The following CRB1 variants were observed in gnomAD, a reference collection of about 807,000 sequenced individuals.
The protein encoded by CRB1 is crumbs cell polarity complex component 1, also known as protein crumbs homolog 1.
A neutral mutation model predicts 120.0 loss-of-function variants in CRB1; 83 were observed. The ratio of observed to expected loss-of-function variants is 0.69; its 90% confidence interval spans 0.58 to 0.83. The LOEUF (loss-of-function observed/expected upper bound fraction) is 0.83. Ranked by LOEUF, CRB1 falls within the 40% of genes least tolerant of loss-of-function variation. CRB1 has a pLI of 0.00. For synonymous variants in CRB1, 625 were observed against 612.5 expected, an observed-to-expected ratio of 1.02 and a Z score of -0.30; for missense variants, 1,699 against 1,687.6, an observed-to-expected ratio of 1.01 and a Z score of -0.12.
At chr1:197,229,087 C>G in the CRB1 span, among the ~76,000 whole-genome samples, 69 of 152,156 alleles carry the variant, frequency 4.5e-4, no homozygotes, top group South Asian at 8.3e-4. Flanking sequence ...AGAGGCAAAC[C>G]GTATCAAGGA....
chr1:197,279,549 T>C (rs946427243), intron 1 of CRB1, among the ~76,000 whole-genome samples: 5 of 151,258 alleles, frequency 3.3e-5, no homozygotes, highest in African/African-American at 1.2e-4. Flanking sequence ...TTTTTTTTTT[T>C]TTTAACAACC....
chr1:197,312,844 C>A (rs1166753690), intron 1 of CRB1, among the ~76,000 whole-genome samples: 1 of 151,942 alleles, frequency 6.6e-6, no homozygotes, highest in Non-Finnish European at 1.5e-5. Context: ...TAATATTATT[C>A]TTGTATTTTT....
At chr1:197,348,194 T>G (rs1316895470) in intron 4 of CRB1, among the ~76,000 whole-genome samples, 1 of 152,180 alleles carries the variant, frequency 6.6e-6, no homozygotes, top group Non-Finnish European at 1.5e-5. Flanking sequence ...TGTCTTAACA[T>G]TGTAGTATCA....
intron 1 of CRB1, among the ~76,000 whole-genome samples, chr1:197,309,692 T>G (rs1657400056): frequency 6.6e-6 from 1 of 151,754 alleles, no homozygotes; most frequent in African/African-American, 2.4e-5. Flanking sequence ...AGGCAGAGCT[T>G]GCAGTGAGCC....
chr1:197,237,502 T>C, the CRB1 span, among the ~76,000 whole-genome samples: 1 of 152,194 alleles, frequency 6.6e-6, no homozygotes, highest in Non-Finnish European at 1.5e-5. Flanking sequence ...TTACTGTAGG[T>C]ATTCGGTTTG....
At chr1:197,296,249 C>T (rs1027435249) in intron 1 of CRB1, among the ~76,000 whole-genome samples, 1 of 152,068 alleles carries the variant, frequency 6.6e-6, no homozygotes, top group Non-Finnish European at 1.5e-5. Context: ...TCTATCTCCA[C>T]TACTTACCAG....
chr1:197,321,625 G>T (rs1293960619), intron 1 of CRB1, among the ~76,000 whole-genome samples: 2 of 152,086 alleles, frequency 1.3e-5, no homozygotes, highest in Non-Finnish European at 2.9e-5. Flanking sequence ...ATACATACAG[G>T]CATACTGAAA....
chr1:197,272,136 A>C (rs900727828), intron 1 of CRB1, among the ~76,000 whole-genome samples: 2 of 152,168 alleles, frequency 1.3e-5, no homozygotes, highest in African/African-American at 4.8e-5. Context: ...TATGTCAGAG[A>C]AGGCTGATGT....
chr1:197,326,775 T>C (rs1658517742), intron 1 of CRB1, among the ~76,000 whole-genome samples: 1 of 152,072 alleles, frequency 6.6e-6, no homozygotes, highest in African/African-American at 2.4e-5. Flanking sequence ...CATTCCCAGG[T>C]AATTTACAGG....
intron 5 of CRB1, among the ~76,000 whole-genome samples, chr1:197,401,701 T>C (rs1351589734): frequency 2.0e-5 from 3 of 152,116 alleles, no homozygotes. Flanking sequence ...GCTATTTAAC[T>C]AATATTCTTC....
intron 5 of CRB1, among the ~76,000 whole-genome samples, chr1:197,409,971 G>A (rs971031214): frequency 5.9e-5 from 9 of 152,072 alleles, no homozygotes; most frequent in Non-Finnish European, 8.8e-5. Flanking sequence ...TTTTTTAGTA[G>A]AGACGGGGTT....
chr1:197,389,733 T>C (rs1348538970), intron 5 of CRB1, among the ~76,000 whole-genome samples: 2 of 152,086 alleles, frequency 1.3e-5, no homozygotes, highest in Non-Finnish European at 2.9e-5. Context: ...GATAGGGCTA[T>C]TGGTTTCAGT....
intron 5 of CRB1, among the ~76,000 whole-genome samples, chr1:197,407,775 C>T (rs1172730585): frequency 6.6e-6 from 1 of 152,014 alleles, no homozygotes; most frequent in Non-Finnish European, 1.5e-5. Flanking sequence ...TAAATTCTTC[C>T]CCCAGAAAAT....
chr1:197,429,669 T>C (rs1228665429), intron 8 of CRB1, 55 bp downstream of exon 8: 1 of 1,561,128 alleles, frequency 6.4e-7, no homozygotes, highest in East Asian at 2.2e-5. Context: ...ATTTGAGTTG[T>C]TCCAAGAGCA....
the CRB1 span, among the ~76,000 whole-genome samples, chr1:197,207,548 A>G: frequency 1.3e-5 from 2 of 152,024 alleles, no homozygotes; most frequent in Admixed American, 6.5e-5. Context: ...TAGGGCCCCA[A>G]TCTCCTCTAG....
At position 197,284,500 on chromosome 1, in the gene CRB1, A is replaced by T. The variant is rs4335403; in HGVS notation, c.70+16018A>T. ...TTCTTCAGGGCAGCTCCATTTCATT[A>T]GTTCCCAATTACTCGTTAAACAACC... On this transcript the variant is annotated intron_variant, in intron 1 of 11. Coordinates refer to ENST00000367400, the MANE Select transcript of CRB1 (RefSeq NM_201253.3). Among the ~76,000 whole-genome samples the T allele has an allele frequency of 5.7e-3, 863 of 152,036 alleles. 4 individuals are homozygous for T. The highest frequency in any genetic ancestry group is 9.9e-3 in the Admixed American group (151 of 15,254).
chr1:197,299,595 A>C (rs1022955712), intron 1 of CRB1, among the ~76,000 whole-genome samples: 2 of 152,184 alleles, frequency 1.3e-5, no homozygotes, highest in Non-Finnish European at 2.9e-5. Flanking sequence ...AAACTTGAAA[A>C]ATAAAAGTAT....
chr1:197,428,386 T>C (rs1412086211), intron 7 of CRB1, among the ~76,000 whole-genome samples: 1 of 152,244 alleles, frequency 6.6e-6, no homozygotes, highest in Non-Finnish European at 1.5e-5. Flanking sequence ...GCCCAACTAC[T>C]ATTGTTTTGA....
the CRB1 span, among the ~76,000 whole-genome samples, chr1:197,236,721 G>A: frequency 7.1e-3 from 1,079 of 152,164 alleles, 16 homozygotes; most frequent in African/African-American, 0.022. Context: ...AAGAATTTCT[G>A]TCATATATGG....
Sources: gnomAD v4.1 joint callset for allele counts (sites outside exome capture counted in the v4.1 genomes callset) on GRCh38, gnomAD v4.1.1 for gene constraint, MANE v1.5 for transcripts, NCBI Gene and HGNC (gene_info 2026-07-23, HGNC 2026-07-21) for gene names.